RAB11FIP3: variants seen among roughly 807,000 people sequenced by gnomAD.
RAB11FIP3 encodes the protein RAB11 family interacting protein 3.
Under a neutral mutation model 77.8 loss-of-function variants are expected in RAB11FIP3, and 17 were observed. That is an observed-to-expected ratio of 0.22 (90% CI 0.15 to 0.33). The LOEUF (loss-of-function observed/expected upper bound fraction) is 0.33. RAB11FIP3 is among the 10% of genes least tolerant of loss of function. The pLI is 1.00. For missense variants in RAB11FIP3, 1,005 were observed against 1,011.2 expected, an observed-to-expected ratio of 0.99 and a Z score of 0.08; for synonymous variants, 437 against 448.2, an observed-to-expected ratio of 0.98 and a Z score of 0.31.
chr16:511,337 G>A (rs1293723715), intron 9 of RAB11FIP3, among the ~76,000 whole-genome samples: 1 of 126,556 alleles, frequency 7.9e-6, no homozygotes, highest in African/African-American at 3.1e-5. Flanking sequence ...GGCCAGGCAG[G>A]AGAGGTTCCT....
chr16:515,178 T>C (rs2032343539), intron 9 of RAB11FIP3, among the ~76,000 whole-genome samples: 1 of 152,234 alleles, frequency 6.6e-6, no homozygotes, highest in African/African-American at 2.4e-5. Context: ...CGGCTCTTTA[T>C]TTTCTTCTCT....
At chr16:470,002 CT>C (rs1009498454) in intron 2 of RAB11FIP3, among the ~76,000 whole-genome samples, 15 of 148,546 alleles carry the variant, frequency 1.0e-4, no homozygotes, top group Non-Finnish European at 7.5e-5. Context: ...TTCTTTCTTT[CT>C]TTTTTTTTTG....
intron 2 of RAB11FIP3, among the ~76,000 whole-genome samples, chr16:468,194 G>A (rs1236428214): frequency 5.1e-5 from 6 of 118,718 alleles, no homozygotes; most frequent in Admixed American, 8.4e-5. Flanking sequence ...CAGGGAGGAG[G>A]TGCAGGGAAG....
Position 494,672 on chromosome 16 carries a change from A to C in RAB11FIP3, c.1266-2152A>C, listed in dbSNP as rs1567394987. Among the ~76,000 whole-genome samples, 5 of 152,224 alleles carry C rather than the reference A, an allele frequency of 3.3e-5. 1 individual carries two copies. The South Asian group carries it at 6.2e-4, about 19-fold the overall frequency. On this transcript the variant is annotated intron_variant, in intron 5 of 13. Coordinates refer to ENST00000262305, the MANE Select transcript of RAB11FIP3 (RefSeq NM_014700.4). Reference sequence around the variant, plus strand: ...TACATTATTAGTCTCCAGTCGAGAAAGGAGAGCCACACAGTAATTTGAACA... The same window carrying C: ...TACATTATTAGTCTCCAGTCGAGAACGGAGAGCCACACAGTAATTTGAACA...
chr16:503,493 T>G (rs1049041087), intron 7 of RAB11FIP3, among the ~76,000 whole-genome samples: 3 of 152,096 alleles, frequency 2.0e-5, no homozygotes, highest in African/African-American at 4.8e-5. Flanking sequence ...CTGCAGTTAC[T>G]GCAGAGCCAA....
At chr16:515,530 GCACC>G (rs1567409055) in intron 9 of RAB11FIP3, among the ~76,000 whole-genome samples, 1 of 148,948 alleles carries the variant, frequency 6.7e-6, no homozygotes, top group Admixed American at 6.7e-5. Flanking sequence ...CGGGCGACAC[GCACC>G]GGTGTTTGCA....
In RAB11FIP3 at chr16:426,523, G is replaced by A; in HGVS notation, c.517G>A (p.Ala173Thr). ...CCCCGCGCCCACGGCGGGCGAGCTG[G>A]CGCTGGAGCAAGGTCCCGGGTCCCC... is the stretch of plus-strand genomic sequence containing the variant. ...PFPAPTAGEL[A>T]LEQGPGSPPQ... Residue 173 changes from alanine (A) to threonine (T), a missense_variant, in exon 1 of 14, where the codon GCG (alanine) becomes ACG (threonine). Physicochemically the swap from Ala to Thr is moderately conservative, Grantham distance 58 (BLOSUM62 0). Coordinates refer to ENST00000262305, the MANE Select transcript of RAB11FIP3 (RefSeq NM_014700.4). The surrounding 1 kb of genome is among the most constrained non-coding windows in gnomAD (Gnocchi z 5.0). The A allele has an allele frequency of 6.4e-7, 1 of 1,558,648 alleles. No homozygotes were observed. Among genetic ancestry groups the A allele is most frequent in the Non-Finnish European group, 8.7e-7 (1 of 1,153,064 alleles).
At chr16:463,395 T>A (rs914000404) in intron 2 of RAB11FIP3, among the ~76,000 whole-genome samples, 8 of 151,284 alleles carry the variant, frequency 5.3e-5, no homozygotes, top group African/African-American at 1.7e-4. Flanking sequence ...AGTCTTTAGA[T>A]GGCTCTGGGG....
intron 1 of RAB11FIP3, among the ~76,000 whole-genome samples, chr16:434,141 A>C (rs2055087814): frequency 6.6e-6 from 1 of 152,138 alleles, no homozygotes; most frequent in South Asian, 2.1e-4. Flanking sequence ...TTATTTTTTG[A>C]GACAGAGTTC....
At chr16:430,179 C>G (rs559982344) in intron 1 of RAB11FIP3, among the ~76,000 whole-genome samples, 2 of 152,256 alleles carry the variant, frequency 1.3e-5, no homozygotes, top group Admixed American at 1.3e-4. Context: ...TCAACCATCT[C>G]TGGAGATTGA....
chr16:489,700 C>A (rs879570616), intron 5 of RAB11FIP3, among the ~76,000 whole-genome samples: 3 of 152,254 alleles, frequency 2.0e-5, no homozygotes, highest in African/African-American at 7.2e-5. Context: ...CTTTAAGCAG[C>A]CACAAGAGTC....
chr16:477,434 A>G lies in RAB11FIP3; in HGVS notation c.904-5091A>G, dbSNP rs1332648945. ...TGCAATCCTGTTGGGGTAGCTGGCA[A>G]CTGCCCTCAAACCGTCTCGGACCTG... On this transcript the variant is annotated intron_variant, in intron 3 of 13. Coordinates refer to ENST00000262305, the MANE Select transcript of RAB11FIP3 (RefSeq NM_014700.4). Among the ~76,000 whole-genome samples, 5 of 152,254 alleles carry G rather than the reference A, an allele frequency of 3.3e-5. No individual in the cohort carries two copies. In the East Asian group the frequency reaches 9.7e-4, roughly 29 times the overall value.
intron 6 of RAB11FIP3, 133 bp from the exon 7 acceptor site, chr16:502,871 C>T: frequency 1.4e-6 from 1 of 734,170 alleles, no homozygotes; most frequent in South Asian, 1.5e-5. Context: ...AGACCACCAC[C>T]CAGATCAGGG....
In RAB11FIP3 at chr16:475,010, G is replaced by T. The variant is rs558052912; in HGVS notation, c.903+3621G>T. 1.2e-5 allele frequency: 19 copies of T among 1,551,718 alleles called. No individual in the cohort carries two copies. In the African/African-American group the frequency reaches 2.3e-4, roughly 19 times the overall value. ...GACCCGGTTGGGACGGAGACACGAT[G>T]GGGAGCCGGTCTCCAACAGCATGCC... is the stretch of plus-strand genomic sequence containing the variant. On this transcript the variant is annotated intron_variant, in intron 3 of 13. Coordinates refer to ENST00000262305, the MANE Select transcript of RAB11FIP3 (RefSeq NM_014700.4).
intron 9 of RAB11FIP3, among the ~76,000 whole-genome samples, chr16:515,682 C>T (rs1049311728): frequency 2.6e-5 from 4 of 151,226 alleles, no homozygotes; most frequent in African/African-American, 9.7e-5. Context: ...GGAGCAGCCA[C>T]ACGGGCGACA....
In RAB11FIP3 at chr16:506,408, C is replaced by T. The variant is rs998230170; in HGVS notation, c.1499+781C>T. Among the ~76,000 whole-genome samples the T allele has an allele frequency of 6.6e-6, 1 of 152,186 alleles. No individual in the cohort carries two copies. The highest frequency in any genetic ancestry group is 2.4e-5 in the African/African-American group (1 of 41,438). Reference sequence around the variant, plus strand: ...GAGGCCTATGAGGCACCTGTGGGATCTGCAGAAGAGGTTCTTCCTGTGAGC... The same window carrying T: ...GAGGCCTATGAGGCACCTGTGGGATTTGCAGAAGAGGTTCTTCCTGTGAGC... On this transcript the variant is annotated intron_variant, in intron 8 of 13. Transcript: ENST00000262305. This position sits in a 1 kb window ranked among gnomAD's most constrained non-coding sequence, Gnocchi z 4.5.
In RAB11FIP3 at chr16:514,530, G is replaced by A. The variant is rs2032320092; in HGVS notation, c.1640+3730G>A. The stretch of plus-strand genomic sequence containing the variant: ...TAGAGATGAGAGTTAAAGCTGAAAG[G>A]GCATAGAGAAGATGGAGGAGTGGAG... On this transcript the variant is annotated intron_variant, in intron 9 of 13. Transcript: ENST00000262305. This position sits in a 1 kb window ranked among gnomAD's most constrained non-coding sequence, Gnocchi z 4.6. 6.6e-6 allele frequency among the ~76,000 whole-genome samples: 1 copy of A among 152,222 alleles called. No individual in the cohort carries two copies. The highest frequency in any genetic ancestry group is 2.1e-4 in the South Asian group (1 of 4,828).
chr16:499,813 A>T lies in RAB11FIP3; in HGVS notation c.1301+2954A>T, dbSNP rs932337013. ...ACTGTCTCAAAAAAAAAAAAAAAAA[A>T]AAAAGCTCCATCTGCAGTTATCTGT... On this transcript the variant is annotated intron_variant, in intron 6 of 13. Coordinates refer to ENST00000262305, the MANE Select transcript of RAB11FIP3 (RefSeq NM_014700.4). 2.6e-5 allele frequency among the ~76,000 whole-genome samples: 4 copies of T among 151,918 alleles called. No homozygotes were observed. The East Asian group carries it at 7.7e-4, about 29-fold the overall frequency.
chr16:426,574 AC>A lies in RAB11FIP3; in HGVS notation c.571del (p.His191ThrfsTer49). 1 of 1,594,160 alleles carries A rather than the reference AC, an allele frequency of 6.3e-7. No homozygotes were observed. The highest frequency in any genetic ancestry group is 2.3e-5 in the East Asian group (1 of 43,538). Reference protein sequence around the residue: ...SPPQPSDLSQTHPLPSEPVGS... With the variant: ...SPPQPSDLSQXHPLPSEPVGS... ...GCCGCAGCCCTCGGACCTCAGCCAGACCCACCCCCTTCCGAGCGAGCCCGTG... is the reference window on the plus strand; with the variant it reads ...GCCGCAGCCCTCGGACCTCAGCCAGACCACCCCCTTCCGAGCGAGCCCGTG... On this transcript the variant is annotated frameshift_variant, in exon 1 of 14. Coordinates refer to ENST00000262305, the MANE Select transcript of RAB11FIP3 (RefSeq NM_014700.4). LOFTEE classifies it high-confidence loss of function. This position sits in a 1 kb window ranked among gnomAD's most constrained non-coding sequence, Gnocchi z 5.0.
Sources: allele counts gnomAD v4.1 joint callset (sites outside exome capture counted in the v4.1 genomes callset), GRCh38; gene constraint gnomAD v4.1.1; non-coding constraint Gnocchi (gnomAD v3.1); transcripts MANE v1.5; gene names NCBI Gene and HGNC (gene_info 2026-07-23, HGNC 2026-07-21).